The following ENAH variants were observed in gnomAD, a reference collection of about 807,000 sequenced individuals.
ENAH encodes protein enabled homolog.
In ENAH, 23 loss-of-function variants were observed where a neutral mutation model predicts 78.7. The ratio of observed to expected loss-of-function variants is 0.29; its 90% CI spans 0.21 to 0.41. The LOEUF (loss-of-function observed/expected upper bound fraction) is 0.41, where lower values mean the gene tolerates loss of function less well. Ranked by LOEUF, ENAH falls within the 10% of genes least tolerant of loss-of-function variation. The probability of loss-of-function intolerance (pLI) is 1.00; values close to 1 mark genes in which losing one functional copy is unlikely to be tolerated. For synonymous variants in ENAH, 226 were observed against 241.0 expected (o/e 0.94, Z 0.58); for missense variants, 544 against 691.0 (o/e 0.79, Z 2.39).
rs1217985516 is a variant in ENAH at position 225,502,622 on chromosome 1, T to C, written c.1539-1552A>G. On this transcript the variant is annotated intron_variant, in intron 11 of 13. Transcript: ENST00000366843. ...TATATGAATAGGGGGAAAAATAACT[T>C]CCAGAAAATTTCATTCAATAAGCAC... is the stretch of plus-strand genomic sequence containing the variant. Among the ~76,000 whole-genome samples, 112 of 152,282 alleles carry C rather than the reference T, an allele frequency of 7.4e-4. 2 individuals are homozygous for C. Among genetic ancestry groups the C allele is most frequent in the Non-Finnish European group, 8.8e-5 (6 of 68,014 alleles).
At chr1:225,502,829 T>C (rs1178516806) in intron 11 of ENAH, among the ~76,000 whole-genome samples, 1 of 152,226 alleles carries the variant, frequency 6.6e-6, no homozygotes, top group Non-Finnish European at 1.5e-5. Context: ...TGTTATTTCA[T>C]ATATTCACTC....
At chr1:225,513,810 C>T (rs1474754336) in intron 7 of ENAH, among the ~76,000 whole-genome samples, 2 of 151,850 alleles carry the variant, frequency 1.3e-5, no homozygotes, top group African/African-American at 2.4e-5. Context: ...TGGTCAACAT[C>T]GCGAAACCCT....
chr1:225,557,212 A>G (rs2096671544), intron 2 of ENAH, among the ~76,000 whole-genome samples: 1 of 152,176 alleles, frequency 6.6e-6, no homozygotes, highest in African/African-American at 2.4e-5. Context: ...TATCAATCTG[A>G]GGAGGCTCTT....
At chr1:225,567,457 A>G (rs775735824) in intron 1 of ENAH, 43 bp from the exon 2 acceptor site, 1 of 1,578,654 alleles carries the variant, frequency 6.3e-7, no homozygotes, top group Non-Finnish European at 8.6e-7. Flanking sequence ...CAATATTTAA[A>G]ATATGCTAAG....
At chr1:225,524,063 C>T (rs951033601) in intron 4 of ENAH, among the ~76,000 whole-genome samples, 4 of 152,006 alleles carry the variant, frequency 2.6e-5, no homozygotes, top group Non-Finnish European at 1.5e-5. Flanking sequence ...TTTTCAGAAA[C>T]AATTATAGTG....
rs565376549 is a variant in ENAH, at chr1:225,615,572, G to A, written c.5+37114C>T. ...TGGGAAGTGAGGAGCGCCTCTTCCC[G>A]GCTGCCAGCCCGTCTGGGAAGTGAG... is the stretch of plus-strand genomic sequence containing the variant. On this transcript the variant is annotated intron_variant, in intron 1 of 13. Coordinates refer to ENST00000366843, the MANE Select transcript of ENAH (RefSeq NM_018212.6). Among the ~76,000 whole-genome samples the A allele has an allele frequency of 1.3e-4, 19 of 150,818 alleles. No homozygotes were observed. In the South Asian group the frequency reaches 2.1e-3, roughly 17 times the overall value.
chr1:225,576,100 C>T (rs78180802), intron 1 of ENAH, among the ~76,000 whole-genome samples: 6,543 of 151,940 alleles, frequency 0.043, 229 homozygotes, highest in South Asian at 0.11. Flanking sequence ...AAGACCCCCA[C>T]CTCTACAGAA....
At chr1:225,620,397 A>G (rs1656596623) in intron 1 of ENAH, among the ~76,000 whole-genome samples, 1 of 151,498 alleles carries the variant, frequency 6.6e-6, no homozygotes, top group Admixed American at 6.6e-5. Context: ...GTGGTGCCAC[A>G]TGCCTGTAGT....
intron 3 of ENAH, among the ~76,000 whole-genome samples, chr1:225,543,403 A>G (rs1405171655): frequency 1.3e-5 from 2 of 152,270 alleles, no homozygotes; most frequent in African/African-American, 4.8e-5. Context: ...TGTAATAGCC[A>G]AATACTCTTG....
rs1468726756 is a variant in ENAH, at chr1:225,493,838, A to C, written c.*3937T>G. ...AAGAGACCTTGTAGCATACCTTTGC[A>C]CACTGTGCTTCATAGGGTAATACTA... On this transcript the variant is annotated 3_prime_UTR_variant, in exon 14 of 14. Transcript: ENST00000366843. 6.6e-6 allele frequency: 1 copy of C among 152,152 alleles called. No individual in the cohort carries two copies. 9.4% of individuals were successfully genotyped at this position (152,152 alleles called of 1,614,324 possible). A position where few individuals can be genotyped will look rare whatever the true frequency, so the allele number is the denominator to read the frequency against.
At chr1:225,517,375 G>A (rs1307028278) in intron 5 of ENAH, 69 bp from the exon 6 acceptor site, 4 of 1,551,786 alleles carry the variant, frequency 2.6e-6, no homozygotes, top group South Asian at 1.2e-5. Context: ...GCTTGGAGGA[G>A]GAGAAGCTTG....
intron 1 of ENAH, among the ~76,000 whole-genome samples, chr1:225,631,019 C>A (rs1359553069): frequency 4.6e-5 from 7 of 152,086 alleles, no homozygotes; most frequent in Non-Finnish European, 1.0e-4. Flanking sequence ...TTAAATATAA[C>A]CAATTACAAA....
chr1:225,559,969 T>C (rs1282405015), intron 2 of ENAH, among the ~76,000 whole-genome samples: 1 of 152,042 alleles, frequency 6.6e-6, no homozygotes, highest in Non-Finnish European at 1.5e-5. Context: ...AAGGGAGAAA[T>C]ATCCCTGAGA....
At chr1:225,607,550 T>C (rs1249335110) in intron 1 of ENAH, among the ~76,000 whole-genome samples, 2 of 149,390 alleles carry the variant, frequency 1.3e-5, no homozygotes, top group African/African-American at 4.9e-5. Flanking sequence ...GTTGAAATTC[T>C]AGATACGGAG....
intron 1 of ENAH, among the ~76,000 whole-genome samples, chr1:225,576,187 G>C (rs1270032883): frequency 1.3e-5 from 2 of 151,324 alleles, no homozygotes; most frequent in African/African-American, 2.4e-5. Flanking sequence ...TGAGGTGGGA[G>C]GATCACTTGA....
intron 3 of ENAH, among the ~76,000 whole-genome samples, chr1:225,533,683 T>A (rs530954622): frequency 6.6e-6 from 1 of 152,266 alleles, no homozygotes; most frequent in South Asian, 2.1e-4. Context: ...AATGTGGCAA[T>A]GTCACTGATA....
Position 225,514,635 on chromosome 1 carries a change from T to G in ENAH, c.1179A>C (p.Ala393=). ...TAAGTTTTGCTCCGGCAATTGCAGC[T>G]GCAAGTCCAGTTAAAGGGCGATTGT... ...SEDNRPLTGL[A]AAIAGAKLRK... Residue 393 remains alanine, a synonymous_variant, in exon 7 of 14, where the codon GCA becomes GCC. Transcript: ENST00000366843. The G allele has an allele frequency of 6.2e-7, 1 of 1,611,684 alleles. No homozygotes were observed. The highest frequency in any genetic ancestry group is 1.1e-5 in the South Asian group (1 of 90,960).
chr1:225,577,223 CAACT>C (rs574250791), intron 1 of ENAH, among the ~76,000 whole-genome samples: 2 of 152,096 alleles, frequency 1.3e-5, no homozygotes, highest in South Asian at 2.1e-4. Context: ...AACTTGATTT[CAACT>C]AACTAACCAC....
intron 1 of ENAH, among the ~76,000 whole-genome samples, chr1:225,583,699 C>G (rs2147785134): frequency 6.6e-6 from 1 of 151,550 alleles, no homozygotes; most frequent in African/African-American, 2.4e-5. Flanking sequence ...TCTGAGCTAC[C>G]TGGGAGGCTA....
Sources: allele counts gnomAD v4.1 joint callset (sites outside exome capture counted in the v4.1 genomes callset), GRCh38; gene constraint gnomAD v4.1.1; transcripts MANE v1.5; gene names NCBI Gene and HGNC (gene_info 2026-07-23, HGNC 2026-07-21).